SH2D3C: variants seen among roughly 807,000 people sequenced by gnomAD.
SH2D3C encodes the protein SH2 domain-containing protein 3C.
In SH2D3C, 25 loss-of-function variants were observed where a neutral mutation model predicts 75.2. That is an observed-to-expected ratio of 0.33 (90% confidence interval 0.24 to 0.46). The LOEUF is 0.46. SH2D3C is among the 20% of genes least tolerant of loss of function. SH2D3C has a pLI of 1.00. For synonymous variants in SH2D3C, 450 were observed against 473.7 expected (o/e 0.95, Z 0.65); for missense variants, 933 against 1,165.3 (o/e 0.80, Z 2.90).
At position 127,740,385 on chromosome 9, in the gene SH2D3C, T is replaced by A; in HGVS notation, c.2089-16A>T. On this transcript the variant is annotated splice_polypyrimidine_tract_variant and intron_variant, in intron 9 of 11. Transcript: ENST00000314830. ...GCCGAGAAATCTGGGGAGGCCAAAC[T>A]GTGAGAGACCAGCCAGGCAGAGGGC... 6.2e-7 allele frequency: 1 copy of A among 1,606,750 alleles called. No homozygotes were observed. The highest frequency in any genetic ancestry group is 1.7e-4 in the Middle Eastern group (1 of 6,032).
intron 1 of SH2D3C, among the ~76,000 whole-genome samples, chr9:127,776,566 CAACT>C (rs1161781472): frequency 2.0e-5 from 3 of 152,206 alleles, no homozygotes; most frequent in Non-Finnish European, 2.9e-5. Context: ...CAGCCACCAC[CAACT>C]GACTTCCCCA....
intron 2 of SH2D3C, among the ~76,000 whole-genome samples, chr9:127,768,018 C>G (rs1021841364): frequency 1.3e-5 from 2 of 152,166 alleles, no homozygotes; most frequent in Non-Finnish European, 2.9e-5. Flanking sequence ...CAAGCCAGCC[C>G]GGTTCCCACA....
intron 2 of SH2D3C, chr9:127,762,239 G>A (rs1845546176): frequency 8.3e-7 from 1 of 1,211,816 alleles, no homozygotes; most frequent in Admixed American, 3.4e-5. Context: ...TGGAGAGCCT[G>A]GAGAGGCCAG....
rs542789139 is a variant in SH2D3C at position 127,746,214 on chromosome 9, G to A, written c.1264+933C>T. ...CAAGTTTGTAGTTATGACAAAGTTG[G>A]TGGCTCTGTGTTTAGGGAAGGATTT... On this transcript the variant is annotated intron_variant, in intron 6 of 11. Coordinates refer to ENST00000314830, the MANE Select transcript of SH2D3C (RefSeq NM_170600.3). Among the ~76,000 whole-genome samples, 43 of 152,342 alleles carry A rather than the reference G, an allele frequency of 2.8e-4. No individual in the cohort carries two copies. The South Asian group carries it at 7.0e-3, about 25-fold the overall frequency.
rs969654484 is a variant in SH2D3C at position 127,749,832 on chromosome 9, G to C, written c.685-167C>G. ...TGACATCTGAGAGCGGGGATGCAATGACCCAGGTTCACAGGGGGCACCTCA... is the reference window on the plus strand; with the variant it reads ...TGACATCTGAGAGCGGGGATGCAATCACCCAGGTTCACAGGGGGCACCTCA... On this transcript the variant is annotated intron_variant, in intron 4 of 11. Transcript: ENST00000314830. This position sits in a 1 kb window ranked among gnomAD's most constrained non-coding sequence, Gnocchi z 5.9. Among the ~76,000 whole-genome samples, 2 of 152,124 alleles carry C rather than the reference G, an allele frequency of 1.3e-5. No homozygotes were observed. The highest frequency in any genetic ancestry group is 2.9e-5 in the Non-Finnish European group (2 of 68,014).
At chr9:127,762,177 G>A (rs991944269) in intron 2 of SH2D3C, 2 of 1,182,674 alleles carry the variant, frequency 1.7e-6, no homozygotes, top group Non-Finnish European at 1.1e-6. Flanking sequence ...CCAGCTGACT[G>A]CGGAGCCACT....
chr9:127,739,590 G>T lies in SH2D3C; in HGVS notation c.2407+92C>A. 1 of 1,157,112 alleles carries T rather than the reference G, an allele frequency of 8.6e-7. No homozygotes were observed. Among genetic ancestry groups the T allele is most frequent in the Non-Finnish European group, 1.2e-6 (1 of 802,826 alleles). 71.7% of individuals were successfully genotyped at this position (1,157,112 alleles called of 1,614,324 possible). A position where few individuals can be genotyped will look rare whatever the true frequency, so the allele number is the denominator to read the frequency against. ...GGGCAGGACAGAGGAGTGGAGAAAT[G>T]TGAATGGATGCCTTGGAGAAAAGGG... On this transcript the variant is annotated intron_variant, in intron 11 of 11. Coordinates refer to ENST00000314830, the MANE Select transcript of SH2D3C (RefSeq NM_170600.3). This position sits in a 1 kb window ranked among gnomAD's most constrained non-coding sequence, Gnocchi z 4.3.
At chr9:127,777,063 T>C (rs959548572) in intron 1 of SH2D3C, among the ~76,000 whole-genome samples, 1 of 152,210 alleles carries the variant, frequency 6.6e-6, no homozygotes, top group African/African-American at 2.4e-5. Context: ...GATTGGGCCC[T>C]GCTCAATAGC....
intron 7 of SH2D3C, among the ~76,000 whole-genome samples, chr9:127,743,409 A>C (rs1844925416): frequency 6.6e-6 from 1 of 152,244 alleles, no homozygotes; most frequent in South Asian, 2.1e-4. Context: ...AGGTTGGGGC[A>C]GGAGAATCGC....
chr9:127,742,018 C>T lies in SH2D3C; in HGVS notation c.1917-59G>A. ...CGGGGACAGGGGTGAGGGGTGCGGG[C>T]CTGGGGCGCTGCCTGTGGTTGGGCC... On this transcript the variant is annotated intron_variant, in intron 8 of 11. Coordinates refer to ENST00000314830, the MANE Select transcript of SH2D3C (RefSeq NM_170600.3). The T allele has an allele frequency of 8.7e-6, 13 of 1,497,412 alleles. No homozygotes were observed. The South Asian group carries it at 1.6e-4, about 19-fold the overall frequency. 92.8% of individuals were successfully genotyped at this position (1,497,412 alleles called of 1,614,324 possible). A position where few individuals can be genotyped will look rare whatever the true frequency, so the allele number is the denominator to read the frequency against.
At chr9:127,760,361 C>T (rs1375880337) in intron 3 of SH2D3C, among the ~76,000 whole-genome samples, 1 of 152,120 alleles carries the variant, frequency 6.6e-6, no homozygotes, top group Admixed American at 6.5e-5. Context: ...GTCCTGGCAT[C>T]AAACTTGGGG....
chr9:127,749,720 C>G lies in SH2D3C; in HGVS notation c.685-55G>C. 1 of 1,230,756 alleles carries G rather than the reference C, an allele frequency of 8.1e-7. No homozygotes were observed. The highest frequency in any genetic ancestry group is 2.5e-5 in the East Asian group (1 of 39,408). 76.2% of individuals were successfully genotyped at this position (1,230,756 alleles called of 1,614,324 possible). On this transcript the variant is annotated intron_variant, in intron 4 of 11. Transcript: ENST00000314830. This position sits in a 1 kb window ranked among gnomAD's most constrained non-coding sequence, Gnocchi z 5.9. ...GGTGGGGCCAGGAGAGGGTCAGACCCAGGATCTGGGGGACAGAGCAACCCA... is the reference window on the plus strand; with the variant it reads ...GGTGGGGCCAGGAGAGGGTCAGACCGAGGATCTGGGGGACAGAGCAACCCA...
intron 7 of SH2D3C, 56 bp downstream of exon 7, chr9:127,744,508 C>T: frequency 1.3e-6 from 2 of 1,541,528 alleles, no homozygotes; most frequent in Non-Finnish European, 1.8e-6. Flanking sequence ...CTTCTCACTG[C>T]CCTGCCCCAC....
chr9:127,740,784 G>A (rs565106120), intron 9 of SH2D3C, among the ~76,000 whole-genome samples: 17 of 152,170 alleles, frequency 1.1e-4, no homozygotes, highest in African/African-American at 3.6e-4. Flanking sequence ...GGCTTCACGC[G>A]ATTCTCCTGC....
At position 127,754,822 on chromosome 9, in the gene SH2D3C, AGGCAGAAACGGACC is replaced by A. The variant is rs779910282; in HGVS notation, c.556-3536_556-3523del. 1.2e-5 allele frequency: 6 copies of A among 487,642 alleles called. No individual in the cohort carries two copies. The highest frequency in any genetic ancestry group is 9.3e-5 in the South Asian group (6 of 64,634). The allele number at this position is 487,642 out of a possible 1,614,324, so 30.2% of individuals were successfully genotyped here. On this transcript the variant is annotated intron_variant, in intron 3 of 11. Coordinates refer to ENST00000314830, the MANE Select transcript of SH2D3C (RefSeq NM_170600.3). The surrounding 1 kb of genome is among the most constrained non-coding windows in gnomAD (Gnocchi z 4.4). ...CCCAGCTCTCTCCCTCCTGCGGAGG[AGGCAGAAACGGACC>A]GGCATCTACCGCAGCCCAGAGTCCC...
At chr9:127,755,257 C>G (rs1445705159) in intron 3 of SH2D3C, 1 of 1,168,408 alleles carries the variant, frequency 8.6e-7, no homozygotes, top group African/African-American at 1.6e-5. Flanking sequence ...GCTGCGCGTG[C>G]CTCTCAGCGG....
At chr9:127,773,865 C>G in intron 2 of SH2D3C, 125 bp downstream of exon 2, 1 of 625,262 alleles carries the variant, frequency 1.6e-6, no homozygotes, top group Non-Finnish European at 2.8e-6. Flanking sequence ...TTGCAGTGAA[C>G]CGGGATCACA....
chr9:127,742,662 A>C, intron 8 of SH2D3C, 187 bp downstream of exon 8: 1 of 541,942 alleles, frequency 1.8e-6, no homozygotes, highest in Non-Finnish European at 3.3e-6. Context: ...TACAGGATTC[A>C]GTCTTTGGGA....
chr9:127,760,138 A>G (rs1179264212), intron 3 of SH2D3C, among the ~76,000 whole-genome samples: 4 of 152,258 alleles, frequency 2.6e-5, no homozygotes, highest in Middle Eastern at 3.4e-3. Flanking sequence ...TGGCTCTTAA[A>G]AAAATAATAA....
Sources: gnomAD v4.1 joint callset for allele counts (sites outside exome capture counted in the v4.1 genomes callset) on GRCh38, gnomAD v4.1.1 for gene constraint, Gnocchi (gnomAD v3.1) non-coding constraint, MANE v1.5 for transcripts, NCBI Gene and HGNC (gene_info 2026-07-23, HGNC 2026-07-21) for gene names.